CCSER1: variants seen among roughly 807,000 people sequenced by gnomAD.
The protein encoded by CCSER1 is coiled-coil serine rich protein 1.
In CCSER1, 41 loss-of-function variants were observed where a neutral mutation model predicts 82.0. That is an observed-to-expected ratio of 0.50 (90% CI 0.39 to 0.65). The LOEUF (loss-of-function observed/expected upper bound fraction) is 0.65, where lower values mean the gene tolerates loss of function less well. Among genes scored for constraint, CCSER1 ranks in the 30% least tolerant of loss-of-function variants. CCSER1 has a pLI of 0.00. For missense variants in CCSER1, 1,119 were observed against 1,064.2 expected, an observed-to-expected ratio of 1.05 and a Z score of -0.72; for synonymous variants, 414 against 383.9, an observed-to-expected ratio of 1.08 and a Z score of -0.92.
chr4:90,856,874 G>A (rs1163854845), intron 8 of CCSER1, among the ~76,000 whole-genome samples: 1 of 151,618 alleles, frequency 6.6e-6, no homozygotes, highest in Non-Finnish European at 1.5e-5. Flanking sequence ...ATGTAGGGGA[G>A]GCTTAGAGGT....
At chr4:90,675,016 T>A (rs1195329056) in intron 6 of CCSER1, among the ~76,000 whole-genome samples, 1 of 152,042 alleles carries the variant, frequency 6.6e-6, no homozygotes, top group African/African-American at 2.4e-5. Context: ...GCACAGTGTC[T>A]GAAACCAGAC....
intron 10 of CCSER1, among the ~76,000 whole-genome samples, chr4:91,181,010 A>G (rs1733971583): frequency 6.6e-6 from 1 of 152,222 alleles, no homozygotes. Context: ...TGGCTTAAGA[A>G]TGACTTTAAG....
chr4:90,985,021 C>T (rs921246188), intron 9 of CCSER1, among the ~76,000 whole-genome samples: 9 of 151,646 alleles, frequency 5.9e-5, no homozygotes, highest in Non-Finnish European at 1.2e-4. Context: ...AGAATAATTG[C>T]CTGACAGGTT....
At chr4:90,201,302 C>G (rs1302536727) in intron 1 of CCSER1, among the ~76,000 whole-genome samples, 1 of 151,960 alleles carries the variant, frequency 6.6e-6, no homozygotes, top group East Asian at 1.9e-4. Flanking sequence ...TTCTATATAT[C>G]TTGTAGACAC....
chr4:90,196,656 TACACACAC>T (rs34346681), intron 1 of CCSER1, among the ~76,000 whole-genome samples: 36 of 143,894 alleles, frequency 2.5e-4, no homozygotes, highest in African/African-American at 8.5e-4. Context: ...CCTGCTCAGA[TACACACAC>T]ACACACACAC....
rs146839462 is a variant in CCSER1, at chr4:91,434,472, C to A, written c.2218-164100C>A. Among the ~76,000 whole-genome samples, 91 of 151,722 alleles carry A rather than the reference C, an allele frequency of 6.0e-4. 2 individuals are homozygous for A. Among genetic ancestry groups the A allele is most frequent in the South Asian group, 4.0e-3 (19 of 4,790 alleles). ...CAGCAGAAGCCTAACAAAAGCAATACGGGTAAAAAATGAGATAGGGTGTCC... is the reference window on the plus strand; with the variant it reads ...CAGCAGAAGCCTAACAAAAGCAATAAGGGTAAAAAATGAGATAGGGTGTCC... On this transcript the variant is annotated intron_variant, in intron 10 of 10. Coordinates refer to ENST00000509176, the MANE Select transcript of CCSER1 (RefSeq NM_001145065.2).
chr4:90,652,255 T>A (rs1245540025), intron 6 of CCSER1, among the ~76,000 whole-genome samples: 1 of 152,182 alleles, frequency 6.6e-6, no homozygotes, highest in African/African-American at 2.4e-5. Context: ...TTTTTGTATT[T>A]CAGGATGATT....
chr4:90,257,789 T>C (rs1231351943), intron 1 of CCSER1, among the ~76,000 whole-genome samples: 2 of 152,122 alleles, frequency 1.3e-5, no homozygotes, highest in East Asian at 3.9e-4. Flanking sequence ...AATTTTGATA[T>C]TGTAGCTCCC....
intron 9 of CCSER1, among the ~76,000 whole-genome samples, chr4:90,984,927 A>T (rs944051678): frequency 6.6e-6 from 1 of 151,614 alleles, no homozygotes; most frequent in African/African-American, 2.4e-5. Context: ...CCACTGTCTG[A>T]CTTATTTCCA....
chr4:90,609,672 T>C (rs7668286), intron 5 of CCSER1, among the ~76,000 whole-genome samples: 72,258 of 151,920 alleles, frequency 0.48, 20,285 homozygotes, highest in African/African-American at 0.79. Context: ...TCATTAGGCA[T>C]TAGATACCTG....
At chr4:91,366,556 A>G (rs2149318474) in intron 10 of CCSER1, among the ~76,000 whole-genome samples, 1 of 152,348 alleles carries the variant, frequency 6.6e-6, no homozygotes, top group African/African-American at 2.4e-5. Flanking sequence ...GTCCATTTAA[A>G]TTAGTTTATA....
chr4:91,580,512 C>A (rs1192249123), intron 10 of CCSER1, among the ~76,000 whole-genome samples: 1 of 151,636 alleles, frequency 6.6e-6, no homozygotes, highest in Non-Finnish European at 1.5e-5. Flanking sequence ...GAAAATTGAC[C>A]TGTAATATAC....
At chr4:91,071,365 TA>T (rs1721415821) in intron 9 of CCSER1, among the ~76,000 whole-genome samples, 1 of 152,160 alleles carries the variant, frequency 6.6e-6, no homozygotes, top group South Asian at 2.1e-4. Context: ...GTGGTAAAAG[TA>T]GTGCTCATTG....
At chr4:90,968,907 C>T (rs1281442836) in intron 9 of CCSER1, among the ~76,000 whole-genome samples, 1 of 150,386 alleles carries the variant, frequency 6.6e-6, no homozygotes, top group East Asian at 2.0e-4. Context: ...GCTACAGAAA[C>T]ACAGAAAAAT....
intron 10 of CCSER1, among the ~76,000 whole-genome samples, chr4:91,471,443 G>A (rs1757268534): frequency 1.3e-5 from 2 of 152,122 alleles, no homozygotes; most frequent in African/African-American, 2.4e-5. Context: ...CAGGTTCACC[G>A]TGACCCAGCC....
In CCSER1 at chr4:91,601,307, A is replaced by G. The variant is rs1364627275; in HGVS notation, c.*2250A>G. The G allele has an allele frequency of 6.6e-6, 1 of 152,130 alleles. No individual in the cohort carries two copies. The highest frequency in any genetic ancestry group is 6.6e-5 in the Admixed American group (1 of 15,252). 9.4% of individuals were successfully genotyped at this position (152,130 alleles called of 1,614,324 possible). ...CTTTTTTAAAGCTGAATCATTCAAA[A>G]GAAAACCTGGATTAAACAGTTCGAT... On this transcript the variant is annotated 3_prime_UTR_variant, in exon 11 of 11. Transcript: ENST00000509176.
chr4:90,484,701 G>A (rs989618737), intron 5 of CCSER1, among the ~76,000 whole-genome samples: 7 of 152,270 alleles, frequency 4.6e-5, no homozygotes, highest in Admixed American at 1.3e-4. Context: ...TTGGTGAACC[G>A]CAAATGCTGC....
chr4:90,882,185 A>G (rs992412861), intron 8 of CCSER1, among the ~76,000 whole-genome samples: 3 of 152,058 alleles, frequency 2.0e-5, no homozygotes, highest in Non-Finnish European at 4.4e-5. Context: ...TTCTTCCAAC[A>G]TCAAAGCAAA....
At chr4:91,152,287 G>A (rs1294101953) in intron 10 of CCSER1, among the ~76,000 whole-genome samples, 4 of 152,170 alleles carry the variant, frequency 2.6e-5, no homozygotes, top group East Asian at 3.9e-4. Context: ...TTAGAGACTA[G>A]GATTGCAACC....
Sources: gnomAD v4.1 joint callset for allele counts (sites outside exome capture counted in the v4.1 genomes callset) on GRCh38, gnomAD v4.1.1 for gene constraint, MANE v1.5 for transcripts, NCBI Gene and HGNC (gene_info 2026-07-23, HGNC 2026-07-21) for gene names.